PHF24: variants seen among roughly 807,000 people sequenced by gnomAD.
PHF24 encodes PHD finger protein 24.
Under a neutral mutation model 42.6 loss-of-function variants are expected in PHF24, and 25 were observed. The ratio of observed to expected loss-of-function variants is 0.59; its 90% confidence interval spans 0.43 to 0.82. The LOEUF is 0.82. PHF24 is among the 40% of genes least tolerant of loss of function. PHF24 has a pLI of 0.00. For missense variants in PHF24, 470 were observed against 538.1 expected (o/e 0.87, Z 1.25); for synonymous variants, 185 against 204.8 (o/e 0.90, Z 0.83).
At chr9:34,935,985 A>T in the PHF24 span, among the ~76,000 whole-genome samples, 1 of 150,558 alleles carries the variant, frequency 6.6e-6, no homozygotes, top group Non-Finnish European at 1.5e-5. Flanking sequence ...TAGGGTGAAT[A>T]AGAGTCCTCA....
chr9:34,797,863 C>T, the PHF24 span, among the ~76,000 whole-genome samples: 1 of 152,010 alleles, frequency 6.6e-6, no homozygotes. Context: ...ACCATGCCCT[C>T]CTCTACCCAG....
chr9:34,736,133 GA>G, the PHF24 span, among the ~76,000 whole-genome samples: 102 of 151,750 alleles, frequency 6.7e-4, no homozygotes, highest in Non-Finnish European at 1.2e-3. Context: ...TATCCGACAC[GA>G]AACAGAAAGA....
At chr9:34,713,679 T>C in the PHF24 span, among the ~76,000 whole-genome samples, 60,323 of 152,044 alleles carry the variant, frequency 0.4, 13,915 homozygotes, top group East Asian at 0.63. Flanking sequence ...TAAAATCTTT[T>C]ATCCATTTGG....
the PHF24 span, among the ~76,000 whole-genome samples, chr9:34,921,961 C>A: frequency 6.6e-6 from 1 of 152,188 alleles, no homozygotes; most frequent in Admixed American, 6.5e-5. Context: ...ATTCCACATC[C>A]CCATATTGGC....
At chr9:34,717,593 T>C in the PHF24 span, among the ~76,000 whole-genome samples, 1 of 152,152 alleles carries the variant, frequency 6.6e-6, no homozygotes, top group East Asian at 1.9e-4. Context: ...GCCACATTGT[T>C]GAGACCAGGG....
the PHF24 span, among the ~76,000 whole-genome samples, chr9:34,771,688 G>A: frequency 1.3e-5 from 2 of 150,800 alleles, no homozygotes; most frequent in Middle Eastern, 3.4e-3. Context: ...CTGCTATCAA[G>A]GTACAGAACT....
the PHF24 span, chr9:34,729,286 G>C: frequency 6.4e-7 from 1 of 1,551,792 alleles, no homozygotes; most frequent in Non-Finnish European, 8.7e-7. Context: ...AGCCCTACCC[G>C]GCAGCAGCTC....
chr9:34,840,791 C>T, the PHF24 span, among the ~76,000 whole-genome samples: 1 of 151,954 alleles, frequency 6.6e-6, no homozygotes, highest in African/African-American at 2.4e-5. Flanking sequence ...GTTCATCTTC[C>T]ATGCCATATT....
chr9:34,912,476 A>C, the PHF24 span, among the ~76,000 whole-genome samples: 1 of 152,152 alleles, frequency 6.6e-6, no homozygotes, highest in Non-Finnish European at 1.5e-5. Flanking sequence ...GTGCATTGTC[A>C]CAAGTCCATA....
At chr9:34,795,357 A>T in the PHF24 span, among the ~76,000 whole-genome samples, 3 of 152,174 alleles carry the variant, frequency 2.0e-5, no homozygotes, top group African/African-American at 7.2e-5. Flanking sequence ...ACTAGTGAAA[A>T]TATTCTTCAG....
chr9:34,841,571 AT>A, the PHF24 span, among the ~76,000 whole-genome samples: 1 of 152,044 alleles, frequency 6.6e-6, no homozygotes, highest in African/African-American at 2.4e-5. Context: ...AAAGTGAACA[AT>A]TTAGGCTGGG....
At chr9:34,930,063 T>C in the PHF24 span, among the ~76,000 whole-genome samples, 1 of 152,252 alleles carries the variant, frequency 6.6e-6, no homozygotes, top group Non-Finnish European at 1.5e-5. Context: ...GGGGCTTCTC[T>C]TTTGCAAGTG....
chr9:34,977,224 G>A, exon 6 of PHF24: 1 of 1,610,174 alleles, frequency 6.2e-7, no homozygotes, highest in South Asian at 1.1e-5. Context: ...GTTCCCAGAG[G>A]CTCCTTCCTG....
At chr9:34,907,024 A>G in the PHF24 span, among the ~76,000 whole-genome samples, 1 of 152,066 alleles carries the variant, frequency 6.6e-6, no homozygotes, top group Non-Finnish European at 1.5e-5. Context: ...CAGGTTGTCT[A>G]CTATATTGCC....
At chr9:34,836,112 T>C in the PHF24 span, 1 of 486,440 alleles carries the variant, frequency 2.1e-6, no homozygotes, top group East Asian at 6.2e-5. Context: ...CTTGGAAGAG[T>C]GTGGGCTAGC....
At chr9:34,895,896 T>G in the PHF24 span, 2 of 393,688 alleles carry the variant, frequency 5.1e-6, no homozygotes, top group Non-Finnish European at 9.0e-6. Context: ...AGACCTTTAT[T>G]TGTTTTTAAA....
the PHF24 span, among the ~76,000 whole-genome samples, chr9:34,786,242 G>C: frequency 6.6e-6 from 1 of 152,166 alleles, no homozygotes. Context: ...ATAAGGAAAG[G>C]TCTGTATTAT....
the PHF24 span, chr9:34,723,305 A>G: frequency 6.4e-7 from 1 of 1,551,560 alleles, no homozygotes; most frequent in East Asian, 2.4e-5. Flanking sequence ...GGGGTAGCCC[A>G]GGGCTGAGGC....
chr9:34,891,569 C>T, the PHF24 span, among the ~76,000 whole-genome samples: 1 of 152,322 alleles, frequency 6.6e-6, no homozygotes, highest in Non-Finnish European at 1.5e-5. Context: ...CATCAGGTCA[C>T]AGGATGAACT....
Sources: allele counts gnomAD v4.1 joint callset (sites outside exome capture counted in the v4.1 genomes callset), GRCh38; gene constraint gnomAD v4.1.1; transcripts MANE v1.5; gene names NCBI Gene and HGNC (gene_info 2026-07-23, HGNC 2026-07-21).